TUT7: variants seen among roughly 807,000 people sequenced by gnomAD.
The protein encoded by TUT7 is terminal uridylyltransferase 7.
A neutral mutation model predicts 165.9 loss-of-function variants in TUT7; 33 were observed. The observed-to-expected ratio is 0.20, with a 90% CI of 0.15 to 0.27. The LOEUF (loss-of-function observed/expected upper bound fraction) is 0.27. TUT7 is among the 10% of genes least tolerant of loss of function. TUT7 has a pLI of 1.00. For missense variants in TUT7, 1,338 were observed against 1,762.3 expected, an observed-to-expected ratio of 0.76 and a Z score of 4.31; for synonymous variants, 552 against 608.1, an observed-to-expected ratio of 0.91 and a Z score of 1.36.
In TUT7 at chr9:86,323,891, T is replaced by C; in HGVS notation, c.1859A>G (p.His620Arg). The change falls in exon 13 of 27, where the codon CAT becomes CGT. Residue 620 changes from histidine to arginine, a missense_variant. Coordinates refer to ENST00000375963, the MANE Select transcript of TUT7 (RefSeq NM_024617.4). ...ATACTTGTATGTTGTCCTTAAACAA[T>C]GAAGTATATATTCAAACACAGGTTG... ...NSQPVFEYIL[H>R]CLRTTYKYFA... 6.2e-7 allele frequency: 1 copy of C among 1,613,664 alleles called. No homozygotes were observed.
intron 2 of TUT7, among the ~76,000 whole-genome samples, chr9:86,346,925 C>T (rs965195467): frequency 1.3e-5 from 2 of 152,134 alleles, no homozygotes; most frequent in Non-Finnish European, 2.9e-5. Context: ...CATTTGCTTT[C>T]ATCTTCTATA....
intron 22 of TUT7, among the ~76,000 whole-genome samples, chr9:86,306,234 C>T (rs1383321600): frequency 6.6e-6 from 1 of 152,116 alleles, no homozygotes. Flanking sequence ...ATAGCATACA[C>T]AAGAGAAGTA....
intron 17 of TUT7, among the ~76,000 whole-genome samples, chr9:86,315,758 T>TG (rs1274379898): frequency 1.5e-5 from 2 of 133,058 alleles, no homozygotes; most frequent in Non-Finnish European, 3.1e-5. Flanking sequence ...TTTTTCTTTT[T>TG]TTTTTATATT....
intron 26 of TUT7, among the ~76,000 whole-genome samples, chr9:86,291,025 A>T (rs1037879254): frequency 6.6e-6 from 1 of 152,194 alleles, no homozygotes; most frequent in Non-Finnish European, 1.5e-5. Context: ...GATGACCCTA[A>T]ATTATGAACC....
chr9:86,321,905 G>A (rs1452937701), intron 14 of TUT7, among the ~76,000 whole-genome samples: 1 of 152,078 alleles, frequency 6.6e-6, no homozygotes, highest in African/African-American at 2.4e-5. Context: ...GGGAAACTGT[G>A]TCTCTACAAA....
chr9:86,328,627 GACATCTAT>G (rs1830025518), intron 10 of TUT7, 135 bp from the exon 11 acceptor site: 2 of 620,588 alleles, frequency 3.2e-6, no homozygotes, highest in Admixed American at 7.7e-5. Flanking sequence ...CTATCACAGA[GACATCTAT>G]ACATTTAAAA....
rs1369528075 is a variant in TUT7, at chr9:86,323,174, T to G, written c.2576A>C (p.Glu859Ala). Residue 859 changes from glutamate (E) to alanine (A), a missense_variant, in exon 13 of 27, where the codon GAA (glutamate) becomes GCA (alanine). Physicochemically the swap from Glu to Ala is moderately radical, Grantham distance 107 (BLOSUM62 -1). This residue lies in a region of TUT7 where 425 missense variants were observed against 474.9 expected (regional missense o/e 0.89). Coordinates refer to ENST00000375963, the MANE Select transcript of TUT7 (RefSeq NM_024617.4). ...CCTTTGGTTAATGGTGAGCCTAGGTTCTTCTTCCTCCTCCTCTTCTTCGTC... is the reference window on the plus strand; with the variant it reads ...CCTTTGGTTAATGGTGAGCCTAGGTGCTTCTTCCTCCTCCTCTTCTTCGTC... Reference protein sequence around the residue: ...EDDEEEEEEEEPRLTINQRED... With the variant: ...EDDEEEEEEEAPRLTINQRED... 2 of 1,614,088 alleles carry G rather than the reference T, an allele frequency of 1.2e-6. No individual in the cohort carries two copies. The highest frequency in any genetic ancestry group is 4.5e-5 in the East Asian group (2 of 44,892).
At chr9:86,339,991 T>C in intron 8 of TUT7, 45 bp downstream of exon 8, 1 of 1,480,636 alleles carries the variant, frequency 6.8e-7, no homozygotes, top group Non-Finnish European at 9.4e-7. Flanking sequence ...CTTGTGCTTT[T>C]GGCAAGTTGA....
chr9:86,317,866 C>G (rs770052273), intron 16 of TUT7, among the ~76,000 whole-genome samples: 5 of 152,082 alleles, frequency 3.3e-5, no homozygotes, highest in Non-Finnish European at 7.4e-5. Flanking sequence ...ATAAAAATCC[C>G]AGAACATACG....
chr9:86,292,640 C>T (rs986900421), intron 26 of TUT7, among the ~76,000 whole-genome samples: 7 of 150,084 alleles, frequency 4.7e-5, no homozygotes, highest in African/African-American at 1.5e-4. Flanking sequence ...GAGCCAGGCA[C>T]AGGTGGCTCA....
chr9:86,322,867 G>A lies in TUT7; in HGVS notation c.2877+6C>T. 6.3e-7 allele frequency: 1 copy of A among 1,583,682 alleles called. No individual in the cohort carries two copies. The highest frequency in any genetic ancestry group is 1.4e-5 in the African/African-American group (1 of 73,882). Reference sequence around the variant, plus strand: ...TAGTTCTATGACTAGTGGTGGTACTGATTACCTTGCCTTTGGTGAAGATAA... The same window carrying A: ...TAGTTCTATGACTAGTGGTGGTACTAATTACCTTGCCTTTGGTGAAGATAA... On this transcript the variant is annotated splice_donor_region_variant and intron_variant, in intron 13 of 26. Coordinates refer to ENST00000375963, the MANE Select transcript of TUT7 (RefSeq NM_024617.4).
chr9:86,298,999 G>A (rs1156439702), intron 26 of TUT7, among the ~76,000 whole-genome samples: 1 of 152,106 alleles, frequency 6.6e-6, no homozygotes, highest in Non-Finnish European at 1.5e-5. Flanking sequence ...ACAAGGCCCC[G>A]CCATCCGGTG....
rs1324518051 is a variant in TUT7, at chr9:86,323,068, T to C, written c.2682A>G (p.Glu894=). ...CAGCTTCGCCTAACTCATCATCCTC[T>C]TCAGATAGGGCGTCCTCATCCCCTG... ...TGSGDEDALS[E]EDDELGEAAK... Residue 894 remains glutamate (E), a synonymous_variant, in exon 13 of 27, where the codon GAA becomes GAG. Coordinates refer to ENST00000375963, the MANE Select transcript of TUT7 (RefSeq NM_024617.4). 4 of 1,614,060 alleles carry C rather than the reference T, an allele frequency of 2.5e-6. No homozygotes were observed. The highest frequency in any genetic ancestry group is 1.7e-5 in the Admixed American group (1 of 59,998).
chr9:86,318,871 A>G, intron 16 of TUT7, 87 bp downstream of exon 16: 1 of 1,037,928 alleles, frequency 9.6e-7, no homozygotes, highest in Non-Finnish European at 1.5e-6. Flanking sequence ...GCCCTGATAA[A>G]TTTGGAAAAT....
intron 17 of TUT7, among the ~76,000 whole-genome samples, chr9:86,313,429 C>A (rs1415309510): frequency 2.0e-5 from 3 of 152,118 alleles, no homozygotes; most frequent in African/African-American, 7.2e-5. Flanking sequence ...TCAGGGCTTT[C>A]AGAGTAAGAG....
At position 86,322,354 on chromosome 9, in the gene TUT7, A is replaced by G. The variant is rs1426007213; in HGVS notation, c.2999T>C (p.Ile1000Thr). Reference protein sequence around the residue: ...LPPLTPKFLNILDQVCIQCYK... With the variant: ...LPPLTPKFLNTLDQVCIQCYK... ...ACACTGGATACAGACTTGATCTAAG[A>G]TATTTAAAAACTTGGGTGTTAATGG... The change falls in exon 14 of 27, where the codon ATC becomes ACC. Residue 1000 changes from isoleucine to threonine, a missense_variant. By Grantham distance (89) the Ile-to-Thr change is moderately conservative. Coordinates refer to ENST00000375963, the MANE Select transcript of TUT7 (RefSeq NM_024617.4). 1 of 1,613,932 alleles carries G rather than the reference A, an allele frequency of 6.2e-7. No individual in the cohort carries two copies. The highest frequency in any genetic ancestry group is 8.5e-7 in the Non-Finnish European group (1 of 1,179,936).
chr9:86,318,377 A>G (rs751810478), intron 16 of TUT7, among the ~76,000 whole-genome samples: 3 of 152,178 alleles, frequency 2.0e-5, no homozygotes, highest in African/African-American at 4.8e-5. Context: ...ATAAAACTTT[A>G]TTTACAAAAA....
At chr9:86,320,533 T>C (rs1262361470) in intron 14 of TUT7, among the ~76,000 whole-genome samples, 2 of 152,200 alleles carry the variant, frequency 1.3e-5, no homozygotes, top group Non-Finnish European at 2.9e-5. Context: ...ACCTTCAATA[T>C]GCTAATATGT....
chr9:86,335,170 T>C (rs1195326880), intron 10 of TUT7, among the ~76,000 whole-genome samples: 1 of 152,204 alleles, frequency 6.6e-6, no homozygotes, highest in African/African-American at 2.4e-5. Context: ...AGGTTCAGAA[T>C]GACATTGAGG....
Sources: allele counts gnomAD v4.1 joint callset (sites outside exome capture counted in the v4.1 genomes callset), GRCh38; gene constraint gnomAD v4.1.1; regional missense constraint gnomAD v4.1.1; transcripts MANE v1.5; gene names NCBI Gene and HGNC (gene_info 2026-07-23, HGNC 2026-07-21).